Variants in LRGUK observed in about 807,000 individuals in gnomAD.
The protein encoded by LRGUK is leucine-rich repeat and guanylate kinase domain-containing protein.
A neutral mutation model predicts 76.0 loss-of-function variants in LRGUK; 65 were observed. That is an observed-to-expected ratio of 0.85 (90% CI 0.70 to 1.05). LRGUK has a LOEUF of 1.05. Ranked by LOEUF, LRGUK falls within the 50% of genes least tolerant of loss-of-function variation. The probability of loss-of-function intolerance (pLI) is 0.00; values close to 1 mark genes in which losing one functional copy is unlikely to be tolerated. For missense variants in LRGUK, 758 were observed against 732.8 expected (o/e 1.03, Z -0.40); for synonymous variants, 268 against 265.6 (o/e 1.01, Z -0.09).
At chr7:134,146,978 G>T (rs1045077348) in intron 4 of LRGUK, among the ~76,000 whole-genome samples, 1 of 152,114 alleles carries the variant, frequency 6.6e-6, no homozygotes, top group Non-Finnish European at 1.5e-5. Context: ...TTGTCAGCAG[G>T]TGAATAATTA....
At chr7:134,190,879 A>G in intron 11 of LRGUK, among the ~76,000 whole-genome samples, 1 of 148,098 alleles carries the variant, frequency 6.8e-6, no homozygotes, top group Non-Finnish European at 1.5e-5. Flanking sequence ...ATATAAAAGA[A>G]AGCAGTTCTG....
chr7:134,130,393 T>A (rs926935667), intron 1 of LRGUK, among the ~76,000 whole-genome samples: 23 of 152,232 alleles, frequency 1.5e-4, no homozygotes, highest in African/African-American at 5.3e-4. Context: ...ATTGTTAATC[T>A]GTCTTCAGTA....
At chr7:134,254,270 C>T (rs1466180108) in intron 18 of LRGUK, among the ~76,000 whole-genome samples, 5 of 152,082 alleles carry the variant, frequency 3.3e-5, no homozygotes, top group Non-Finnish European at 7.4e-5. Flanking sequence ...TTTTGGGGAG[C>T]AATTAGGAAG....
chr7:134,248,184 G>A (rs1802357543), intron 17 of LRGUK, among the ~76,000 whole-genome samples: 1 of 152,218 alleles, frequency 6.6e-6, no homozygotes, highest in Non-Finnish European at 1.5e-5. Context: ...ATGGTGGCCA[G>A]GAGTGAGACA....
intron 5 of LRGUK, among the ~76,000 whole-genome samples, chr7:134,151,015 C>T (rs1457444591): frequency 1.3e-5 from 2 of 152,100 alleles, no homozygotes; most frequent in Admixed American, 1.3e-4. Flanking sequence ...ATGAAATAAA[C>T]TTCTTAGATC....
chr7:134,199,307 C>T (rs769875662), exon 14 of LRGUK: 18 of 1,613,472 alleles, frequency 1.1e-5, no homozygotes, highest in East Asian at 4.5e-5. Context: ...GGGATATTTG[C>T]GGAGAAAAGG....
At chr7:134,255,241 A>G (rs964175750) in intron 18 of LRGUK, among the ~76,000 whole-genome samples, 11 of 151,428 alleles carry the variant, frequency 7.3e-5, no homozygotes, top group African/African-American at 2.7e-4. Context: ...ACACACACAC[A>G]CACACACACA....
At chr7:134,259,770 A>G (rs1802673173) in intron 19 of LRGUK, among the ~76,000 whole-genome samples, 1 of 152,172 alleles carries the variant, frequency 6.6e-6, no homozygotes, top group South Asian at 2.1e-4. Context: ...GTCAGCTCGC[A>G]GGAAGTGGGA....
At chr7:134,199,962 T>C (rs1299964573) in intron 14 of LRGUK, among the ~76,000 whole-genome samples, 4 of 139,260 alleles carry the variant, frequency 2.9e-5, no homozygotes, top group Non-Finnish European at 4.6e-5. Context: ...AAAATTTCTA[T>C]AGATATATTC....
At chr7:134,225,440 G>C (rs1425409617) in intron 16 of LRGUK, among the ~76,000 whole-genome samples, 1 of 152,182 alleles carries the variant, frequency 6.6e-6, no homozygotes, top group Non-Finnish European at 1.5e-5. Flanking sequence ...CATGTGTTGT[G>C]TCCAGTGTCA....
At chr7:134,190,471 G>A (rs1405456577) in intron 11 of LRGUK, among the ~76,000 whole-genome samples, 1 of 152,312 alleles carries the variant, frequency 6.6e-6, no homozygotes, top group South Asian at 2.1e-4. Context: ...GCCTCCCAAA[G>A]TACAGGGATT....
Position 134,242,100 on chromosome 7 carries a change from A to G in LRGUK, c.1984-5456A>G, listed in dbSNP as rs568820512. Among the ~76,000 whole-genome samples the G allele has an allele frequency of 3.3e-5, 5 of 150,434 alleles. No individual in the cohort carries two copies. In the South Asian group the frequency reaches 1.1e-3, roughly 32 times the overall value. ...GCACTAAATGCCCACAAGAGAAAGC[A>G]GGAAAGATCTAAAATTGACACCCTA... On this transcript the variant is annotated intron_variant, in intron 16 of 19. Transcript: ENST00000285928.
intron 10 of LRGUK, 70 bp downstream of exon 10, chr7:134,178,679 A>G: frequency 8.2e-7 from 1 of 1,216,366 alleles, no homozygotes; most frequent in Non-Finnish European, 1.2e-6. Flanking sequence ...CACTTCCCCT[A>G]ACCCCTATTT....
At chr7:134,251,647 T>A (rs1350732618) in intron 18 of LRGUK, among the ~76,000 whole-genome samples, 1 of 152,222 alleles carries the variant, frequency 6.6e-6, no homozygotes, top group Non-Finnish European at 1.5e-5. Context: ...AATTTATATG[T>A]TATACATATA....
At chr7:134,237,295 C>T (rs557644046) in intron 16 of LRGUK, among the ~76,000 whole-genome samples, 5 of 152,152 alleles carry the variant, frequency 3.3e-5, no homozygotes, top group South Asian at 2.1e-4. Flanking sequence ...CCTTGCGACG[C>T]GCCTGCCTGG....
chr7:134,221,923 G>C lies in LRGUK; in HGVS notation c.1983+5G>C. ...TCAGCCAAAAAAACACCAGCGGTAA[G>C]AGAGGAATAGAAGGGGTGAAGCCAC... On this transcript the variant is annotated splice_donor_5th_base_variant and intron_variant, in intron 16 of 19. Transcript: ENST00000285928. 1 of 1,587,210 alleles carries C rather than the reference G, an allele frequency of 6.3e-7. No individual in the cohort carries two copies. The highest frequency in any genetic ancestry group is 8.5e-7 in the Non-Finnish European group (1 of 1,169,972).
intron 5 of LRGUK, among the ~76,000 whole-genome samples, chr7:134,149,536 G>A (rs542625413): frequency 6.6e-6 from 1 of 152,284 alleles, no homozygotes; most frequent in East Asian, 1.9e-4. Context: ...ATGATGGAAA[G>A]CTTGGAACAT....
chr7:134,177,123 G>A (rs187516786), intron 9 of LRGUK, 60 bp downstream of exon 9: 91 of 984,192 alleles, frequency 9.2e-5, no homozygotes, highest in African/African-American at 7.9e-4. Flanking sequence ...TCAAAAGCTC[G>A]TGTTGCCTGC....
chr7:134,264,073 A>T, exon 20 of LRGUK: 1 of 1,192,838 alleles, frequency 8.4e-7, no homozygotes, highest in Non-Finnish European at 1.1e-6. Context: ...TTCTCACTCA[A>T]CCCATTACCC....
Sources: allele counts gnomAD v4.1 joint callset (sites outside exome capture counted in the v4.1 genomes callset), GRCh38; gene constraint gnomAD v4.1.1; transcripts MANE v1.5; gene names NCBI Gene and HGNC (gene_info 2026-07-23, HGNC 2026-07-21).